The following TAFA2 variants were observed in gnomAD, a reference collection of about 807,000 sequenced individuals.
TAFA2 encodes chemokine-like protein TAFA-2.
In TAFA2, 7 loss-of-function variants were observed where a neutral mutation model predicts 18.8. The observed-to-expected ratio is 0.37, with a 90% CI of 0.21 to 0.70. The LOEUF (loss-of-function observed/expected upper bound fraction) is 0.70. Among genes scored for constraint, TAFA2 ranks in the 30% least tolerant of loss-of-function variants. TAFA2 has a pLI of 0.53. For missense variants in TAFA2, 122 were observed against 158.1 expected (o/e 0.77, Z 1.23); for synonymous variants, 60 against 54.2 (o/e 1.11, Z -0.47).
intron 1 of TAFA2, among the ~76,000 whole-genome samples, chr12:62,038,245 CTCT>C (rs1881663080): frequency 6.6e-6 from 1 of 151,946 alleles, no homozygotes; most frequent in East Asian, 1.9e-4. Flanking sequence ...ATTTTAGATC[CTCT>C]TAACACAAAA....
chr12:61,909,899 A>T (rs1054394636), intron 1 of TAFA2, among the ~76,000 whole-genome samples: 4 of 152,242 alleles, frequency 2.6e-5, no homozygotes, highest in Admixed American at 1.3e-4. Flanking sequence ...CAAATACCAT[A>T]CTGCCTTTTA....
chr12:61,843,867 A>G (rs896222103), intron 2 of TAFA2, among the ~76,000 whole-genome samples: 1 of 152,160 alleles, frequency 6.6e-6, no homozygotes, highest in Non-Finnish European at 1.5e-5. Flanking sequence ...ACTGGTCAGG[A>G]GCATTGTAAA....
chr12:62,011,532 A>G (rs1880765317), intron 1 of TAFA2, among the ~76,000 whole-genome samples: 1 of 152,078 alleles, frequency 6.6e-6, no homozygotes, highest in Admixed American at 6.5e-5. Context: ...GCTTTGTTAA[A>G]CAGATGCTTG....
chr12:62,127,954 C>T (rs1870531730), intron 1 of TAFA2, among the ~76,000 whole-genome samples: 2 of 151,922 alleles, frequency 1.3e-5, no homozygotes, highest in Admixed American at 1.3e-4. Flanking sequence ...ACTGACAGCA[C>T]AGTGGGGAAC....
At chr12:62,116,729 T>C (rs1315239208) in intron 1 of TAFA2, among the ~76,000 whole-genome samples, 2 of 151,796 alleles carry the variant, frequency 1.3e-5, no homozygotes. Context: ...ACACTAATTA[T>C]GGAGTTAAGT....
chr12:62,234,996 G>A (rs1024541585), intron 1 of TAFA2: 22 of 656,352 alleles, frequency 3.4e-5, no homozygotes, highest in African/African-American at 8.9e-5. Flanking sequence ...AGGTACTGTC[G>A]AGAGGCCAGG....
intron 2 of TAFA2, among the ~76,000 whole-genome samples, chr12:61,762,452 C>G (rs1326686562): frequency 6.6e-6 from 1 of 151,776 alleles, no homozygotes; most frequent in Admixed American, 6.6e-5. Flanking sequence ...TTATGAAGAC[C>G]AAATGAGATA....
chr12:61,759,646 C>T (rs1339217982), intron 2 of TAFA2, among the ~76,000 whole-genome samples: 1 of 152,066 alleles, frequency 6.6e-6, no homozygotes, highest in African/African-American at 2.4e-5. Flanking sequence ...CAAGGTAATA[C>T]TTTCACTGCT....
At chr12:61,769,927 A>G (rs1435639223) in intron 2 of TAFA2, among the ~76,000 whole-genome samples, 1 of 152,166 alleles carries the variant, frequency 6.6e-6, no homozygotes, top group Non-Finnish European at 1.5e-5. Context: ...CAAAAGGTCA[A>G]TTATTAAGCT....
rs113765833 is a variant in TAFA2, at chr12:61,964,752, T to G, written c.-1-97326A>C. Among the ~76,000 whole-genome samples the G allele has an allele frequency of 7.3e-3, 1,112 of 152,016 alleles. 15 individuals are homozygous for G. The highest frequency in any genetic ancestry group is 0.025 in the African/African-American group (1,057 of 41,494). On this transcript the variant is annotated intron_variant, in intron 1 of 4. Transcript: ENST00000416284. ...TTAATTTTGTACTTTCTGCCATATGTTCCTTCCTCTACCACCTCTTTTCTC... is the reference window on the plus strand; with the variant it reads ...TTAATTTTGTACTTTCTGCCATATGGTCCTTCCTCTACCACCTCTTTTCTC...
At chr12:61,823,212 G>A (rs1426409042) in intron 2 of TAFA2, among the ~76,000 whole-genome samples, 1 of 151,724 alleles carries the variant, frequency 6.6e-6, no homozygotes, top group African/African-American at 2.4e-5. Flanking sequence ...TCACTCTGTT[G>A]TCCAGGCTGG....
At chr12:62,215,435 C>T (rs1176256641) in intron 1 of TAFA2, among the ~76,000 whole-genome samples, 8 of 151,860 alleles carry the variant, frequency 5.3e-5, no homozygotes. Context: ...GAAGTACTGA[C>T]ATTTTCACCA....
At chr12:61,957,913 A>T (rs965836177) in intron 1 of TAFA2, among the ~76,000 whole-genome samples, 2 of 152,106 alleles carry the variant, frequency 1.3e-5, no homozygotes, top group Non-Finnish European at 2.9e-5. Flanking sequence ...GATGATGGAC[A>T]AATAGAAAGA....
intron 1 of TAFA2, among the ~76,000 whole-genome samples, chr12:62,174,493 A>C (rs975507162): frequency 1.3e-5 from 2 of 152,186 alleles, no homozygotes; most frequent in African/African-American, 4.8e-5. Flanking sequence ...CTAGGAGTGG[A>C]GGGAAATTGA....
Position 61,859,822 on chromosome 12 carries a change from G to A in TAFA2, c.106+7498C>T, listed in dbSNP as rs539818661. Among the ~76,000 whole-genome samples the A allele has an allele frequency of 4.7e-4, 71 of 152,302 alleles. 1 individual carries two copies. Among genetic ancestry groups the A allele is most frequent in the Non-Finnish European group, 3.1e-4 (21 of 68,024 alleles). ...TGTGGGAAGAGGGGTTGTATTCAGCGACTCTGAGGGGCTGACGACATTCTA... is the reference window on the plus strand; with the variant it reads ...TGTGGGAAGAGGGGTTGTATTCAGCAACTCTGAGGGGCTGACGACATTCTA... On this transcript the variant is annotated intron_variant, in intron 2 of 4. Coordinates refer to ENST00000416284, the MANE Select transcript of TAFA2 (RefSeq NM_178539.5).
At chr12:62,205,064 T>G (rs1359181782) in intron 1 of TAFA2, among the ~76,000 whole-genome samples, 1 of 152,206 alleles carries the variant, frequency 6.6e-6, no homozygotes, top group African/African-American at 2.4e-5. Flanking sequence ...GTTTTTCTTT[T>G]AACAGTCAGG....
chr12:62,005,497 C>T (rs373513219), intron 1 of TAFA2, among the ~76,000 whole-genome samples: 87 of 152,110 alleles, frequency 5.7e-4, no homozygotes, highest in African/African-American at 1.9e-3. Context: ...AGAGGAAATG[C>T]ATGTTTAATT....
At position 61,803,210 on chromosome 12, in the gene TAFA2, A is replaced by G. The variant is rs1047514254; in HGVS notation, c.107-48186T>C. Among the ~76,000 whole-genome samples the G allele has an allele frequency of 3.3e-5, 5 of 151,952 alleles. No homozygotes were observed. The South Asian group carries it at 8.3e-4, about 25-fold the overall frequency. On this transcript the variant is annotated intron_variant, in intron 2 of 4. Coordinates refer to ENST00000416284, the MANE Select transcript of TAFA2 (RefSeq NM_178539.5). ...ATATATTAAATGACTGGCAATACTT[A>G]CTAGTGAGCATGCCTGCTGTTTCTG... is the stretch of plus-strand genomic sequence containing the variant.
At chr12:62,010,379 G>A (rs545082040) in intron 1 of TAFA2, among the ~76,000 whole-genome samples, 64 of 152,070 alleles carry the variant, frequency 4.2e-4, no homozygotes, top group Non-Finnish European at 6.3e-4. Flanking sequence ...GCTGGTCTCC[G>A]GCTCCTGACC....
Sources: gnomAD v4.1 joint callset for allele counts (sites outside exome capture counted in the v4.1 genomes callset) on GRCh38, gnomAD v4.1.1 for gene constraint, MANE v1.5 for transcripts, NCBI Gene and HGNC (gene_info 2026-07-23, HGNC 2026-07-21) for gene names.